The following FNDC3A variants were observed in gnomAD, a reference collection of about 807,000 sequenced individuals.
FNDC3A encodes fibronectin type-III domain-containing protein 3A.
A neutral mutation model predicts 148.9 loss-of-function variants in FNDC3A; 32 were observed. That is an observed-to-expected ratio of 0.21 (90% CI 0.16 to 0.29). The LOEUF is 0.29. FNDC3A is among the 10% of genes least tolerant of loss of function. The pLI is 1.00. For missense variants in FNDC3A, 1,191 were observed against 1,452.8 expected, an observed-to-expected ratio of 0.82 and a Z score of 2.93; for synonymous variants, 472 against 473.6, an observed-to-expected ratio of 1.00 and a Z score of 0.04.
chr13:49,135,478 T>G (rs1882301662), intron 5 of FNDC3A, among the ~76,000 whole-genome samples: 1 of 152,178 alleles, frequency 6.6e-6, no homozygotes. Context: ...TTTAATCTCT[T>G]ACATTTGGGT....
At chr13:48,987,160 G>C (rs1951822252) in intron 1 of FNDC3A, among the ~76,000 whole-genome samples, 1 of 152,168 alleles carries the variant, frequency 6.6e-6, no homozygotes, top group African/African-American at 2.4e-5. Flanking sequence ...AAAATATTTG[G>C]AAGTGAAAAT....
chr13:49,191,113 A>C lies in FNDC3A; in HGVS notation c.2043A>C (p.Leu681Phe). ...GACCCAAAGCAAAAGAAATACAGTTACGATGGGGTAATTTCCATTTTGGTA... is the reference window on the plus strand; with the variant it reads ...GACCCAAAGCAAAAGAAATACAGTTCCGATGGGGTAATTTCCATTTTGGTA... ...QGRPKAKEIQ[L>F]RWGPPLVDGG... The change falls in exon 18 of 26, where the codon TTA becomes TTC. Residue 681 changes from leucine (L) to phenylalanine (F), a missense_variant. Physicochemically the swap from Leu to Phe is conservative, Grantham distance 22. Transcript: ENST00000492622. 6.2e-7 allele frequency: 1 copy of C among 1,611,790 alleles called. No individual in the cohort carries two copies. Among genetic ancestry groups the C allele is most frequent in the Non-Finnish European group, 8.5e-7 (1 of 1,179,108 alleles).
Position 49,002,597 on chromosome 13 carries a change from A to G in FNDC3A, c.-39-3555A>G, listed in dbSNP as rs977551232. Among the ~76,000 whole-genome samples the G allele has an allele frequency of 3.9e-5, 6 of 152,264 alleles. No individual in the cohort carries two copies. In the South Asian group the frequency reaches 1.0e-3, roughly 26 times the overall value. On this transcript the variant is annotated intron_variant, in intron 1 of 25. Transcript: ENST00000492622. The stretch of plus-strand genomic sequence containing the variant: ...CAGGAACTGCCTTCATGCTTTGCCC[A>G]TGTTTCCATCCTTTCTTCCTTGTCA...
At chr13:48,986,382 G>GTTT (rs1425213112) in intron 1 of FNDC3A, among the ~76,000 whole-genome samples, 41 of 61,962 alleles carry the variant, frequency 6.6e-4, no homozygotes, top group South Asian at 1.7e-3. Context: ...GGAGAAGGAA[G>GTTT]TTGTTTTTTT....
intron 2 of FNDC3A, among the ~76,000 whole-genome samples, chr13:49,050,949 T>C (rs1019632253): frequency 2.6e-5 from 4 of 152,198 alleles, no homozygotes; most frequent in Non-Finnish European, 5.9e-5. Context: ...TTTTGTCTGA[T>C]ACAAGGATAG....
intron 8 of FNDC3A, among the ~76,000 whole-genome samples, chr13:49,153,022 G>C (rs1221868671): frequency 6.6e-6 from 1 of 151,240 alleles, no homozygotes; most frequent in Non-Finnish European, 1.5e-5. Flanking sequence ...ATAGTCCTTT[G>C]GGTATATACC....
intron 24 of FNDC3A, among the ~76,000 whole-genome samples, chr13:49,202,170 A>G (rs974570635): frequency 6.6e-6 from 1 of 152,170 alleles, no homozygotes; most frequent in Non-Finnish European, 1.5e-5. Context: ...TATTCAGACA[A>G]GTACTGGCTT....
At chr13:49,023,383 A>G (rs2137646766) in intron 2 of FNDC3A, among the ~76,000 whole-genome samples, 1 of 151,870 alleles carries the variant, frequency 6.6e-6, no homozygotes, top group South Asian at 2.1e-4. Context: ...CTTTCATGTA[A>G]TTCAAGCTAA....
chr13:49,012,697 G>A (rs554879069), intron 2 of FNDC3A, among the ~76,000 whole-genome samples: 1 of 152,136 alleles, frequency 6.6e-6, no homozygotes, highest in East Asian at 1.9e-4. Flanking sequence ...ATGCATTTAT[G>A]TAGGTTTTTA....
At chr13:49,007,698 A>G (rs1382378146) in intron 2 of FNDC3A, among the ~76,000 whole-genome samples, 1 of 152,168 alleles carries the variant, frequency 6.6e-6, no homozygotes, top group Non-Finnish European at 1.5e-5. Context: ...TGAAGGCACC[A>G]TGGCTATCAT....
At chr13:49,030,830 A>G (rs1272494376) in intron 2 of FNDC3A, among the ~76,000 whole-genome samples, 2 of 152,214 alleles carry the variant, frequency 1.3e-5, no homozygotes, top group Non-Finnish European at 2.9e-5. Flanking sequence ...TGAAAACCAT[A>G]AAACTCACTG....
At chr13:49,026,373 T>C (rs1248042891) in intron 2 of FNDC3A, among the ~76,000 whole-genome samples, 1 of 152,232 alleles carries the variant, frequency 6.6e-6, no homozygotes, top group Non-Finnish European at 1.5e-5. Flanking sequence ...CAAATTCTAG[T>C]TGATTCTGGA....
intron 7 of FNDC3A, among the ~76,000 whole-genome samples, chr13:49,142,346 C>T (rs1379841558): frequency 5.3e-5 from 8 of 152,124 alleles, no homozygotes; most frequent in Non-Finnish European, 5.9e-5. Context: ...TCATTGTTTC[C>T]GTCGGTAAAC....
At chr13:49,050,871 A>G (rs747508527) in intron 2 of FNDC3A, among the ~76,000 whole-genome samples, 17 of 152,116 alleles carry the variant, frequency 1.1e-4, no homozygotes, top group Non-Finnish European at 2.1e-4. Context: ...TTCCTTTTGG[A>G]GTAGTCCTTT....
chr13:49,182,871 G>A (rs779493916), intron 14 of FNDC3A, among the ~76,000 whole-genome samples: 2 of 151,828 alleles, frequency 1.3e-5, no homozygotes, highest in Non-Finnish European at 2.9e-5. Context: ...TCCCTCTCTT[G>A]CTTGGATATA....
chr13:49,093,719 A>C (rs1349337444), intron 3 of FNDC3A, among the ~76,000 whole-genome samples: 3 of 152,124 alleles, frequency 2.0e-5, no homozygotes, highest in African/African-American at 7.2e-5. Flanking sequence ...AGTTCCTCCA[A>C]ACCATGTACT....
At chr13:49,191,790 G>A (rs977325914) in intron 19 of FNDC3A, among the ~76,000 whole-genome samples, 1 of 151,976 alleles carries the variant, frequency 6.6e-6, no homozygotes, top group Non-Finnish European at 1.5e-5. Context: ...ACTTTCAGTT[G>A]GCAACTAATT....
intron 1 of FNDC3A, among the ~76,000 whole-genome samples, chr13:48,993,446 A>G (rs1951957839): frequency 6.6e-6 from 1 of 152,192 alleles, no homozygotes; most frequent in African/African-American, 2.4e-5. Flanking sequence ...TAGAGCAACA[A>G]TAGGACTTTA....
Position 49,185,991 on chromosome 13 carries a change from A to G in FNDC3A, c.1645A>G (p.Ser549Gly), listed in dbSNP as rs760783085. 4.3e-6 allele frequency: 7 copies of G among 1,612,254 alleles called. No homozygotes were observed. Among genetic ancestry groups the G allele is most frequent in the Non-Finnish European group, 5.9e-6 (7 of 1,178,764 alleles). Residue 549 changes from serine to glycine, a missense_variant, in exon 15 of 26, where the codon AGT (serine) becomes GGT (glycine). Around this residue, in one of 3 missense-constraint regions of FNDC3A, gnomAD observed 751 missense variants for 944.0 expected, o/e 0.80. Transcript: ENST00000492622. ...KVIAYNSEGKSNPSEVVEFTT... is the reference protein window; with the variant it reads ...KVIAYNSEGKGNPSEVVEFTT... Reference sequence around the variant, plus strand: ...TATTGCTTACAACTCAGAAGGTAAAAGTAATCCAAGTGAAGTAGTAGAATT... The same window carrying G: ...TATTGCTTACAACTCAGAAGGTAAAGGTAATCCAAGTGAAGTAGTAGAATT...
Sources: allele counts gnomAD v4.1 joint callset (sites outside exome capture counted in the v4.1 genomes callset), GRCh38; gene constraint gnomAD v4.1.1; regional missense constraint gnomAD v4.1.1; transcripts MANE v1.5; gene names NCBI Gene and HGNC (gene_info 2026-07-23, HGNC 2026-07-21).